Variants in IFT74 observed in about 807,000 individuals in gnomAD.
IFT74 encodes intraflagellar transport 74, also known as intraflagellar transport protein 74 homolog.
IFT74 carries 92 observed loss-of-function variants against 96.7 expected under a neutral mutation model. The observed-to-expected ratio is 0.95, with a 90% confidence interval of 0.80 to 1.13. IFT74 has a LOEUF of 1.13. Among genes scored for constraint, IFT74 ranks in the 50% most tolerant of loss-of-function variants. IFT74 has a pLI of 0.00. For missense variants in IFT74, 811 were observed against 698.2 expected (o/e 1.16, Z -1.82); for synonymous variants, 223 against 213.2 (o/e 1.05, Z -0.40).
In IFT74 at chr9:26,996,627, T is replaced by C. The variant is rs141607273; in HGVS notation, c.587+6432T>C. On this transcript the variant is annotated intron_variant, in intron 8 of 19. Transcript: ENST00000380062. The stretch of plus-strand genomic sequence containing the variant: ...AAGGCATTATAAGAAATTCCTGTTG[T>C]ATTTGTCTAGCAACATAATGAAAGA... 1.4e-3 allele frequency: 776 copies of C among 549,574 alleles called. 2 individuals are homozygous for C. The highest frequency in any genetic ancestry group is 0.014 in the African/African-American group (701 of 51,710). The allele number at this position is 549,574 out of a possible 1,614,324, so 34.0% of individuals were successfully genotyped here.
At chr9:26,969,068 C>T (rs569282442) in intron 2 of IFT74, among the ~76,000 whole-genome samples, 2 of 152,092 alleles carry the variant, frequency 1.3e-5, no homozygotes, top group African/African-American at 4.8e-5. Flanking sequence ...CCTCTTAGTG[C>T]TCCTTTTGCT....
intron 6 of IFT74, among the ~76,000 whole-genome samples, chr9:26,987,015 G>A (rs753528468): frequency 1.3e-5 from 2 of 152,106 alleles, no homozygotes; most frequent in Non-Finnish European, 2.9e-5. Flanking sequence ...AGTAAATGAT[G>A]TTCTGTTTTA....
intron 1 of IFT74, among the ~76,000 whole-genome samples, chr9:26,948,173 T>C (rs185017371): frequency 6.6e-6 from 1 of 152,330 alleles, no homozygotes; most frequent in Admixed American, 6.5e-5. Flanking sequence ...TTGATACTTC[T>C]TTGCTATCAT....
chr9:27,065,941 C>T lies in IFT74; in HGVS notation c.*3205C>T, dbSNP rs1482593233. Among the ~76,000 whole-genome samples, 1 of 151,990 alleles carries T rather than the reference C, an allele frequency of 6.6e-6. No homozygotes were observed. The highest frequency in any genetic ancestry group is 1.5e-5 in the Non-Finnish European group (1 of 67,948). On this transcript the variant is annotated 3_prime_UTR_variant, in exon 20 of 20. Coordinates refer to ENST00000380062, the MANE Select transcript of IFT74 (RefSeq NM_025103.4). ...AGTTTACAGTTTGATAACTGAAAAA[C>T]ATTTTTAAAAAGGCAATTTTTAATA...
At chr9:26,967,553 C>G (rs1181934379) in intron 2 of IFT74, among the ~76,000 whole-genome samples, 1 of 152,138 alleles carries the variant, frequency 6.6e-6, no homozygotes. Flanking sequence ...GTTAATTTGA[C>G]TTCTTCCTTT....
At chr9:27,038,180 T>C (rs756727753) in intron 13 of IFT74, among the ~76,000 whole-genome samples, 7 of 152,248 alleles carry the variant, frequency 4.6e-5, no homozygotes, top group Non-Finnish European at 7.3e-5. Flanking sequence ...CAGTGCATGT[T>C]GGAAGCCATT....
intron 2 of IFT74, among the ~76,000 whole-genome samples, chr9:26,972,298 G>A (rs1826914521): frequency 6.6e-6 from 1 of 152,132 alleles, no homozygotes; most frequent in South Asian, 2.1e-4. Context: ...GGTGGGGCGT[G>A]CTTACTGTCT....
intron 6 of IFT74, among the ~76,000 whole-genome samples, chr9:26,987,389 C>T (rs970053851): frequency 2.6e-5 from 4 of 151,772 alleles, no homozygotes; most frequent in African/African-American, 7.3e-5. Context: ...CGCGCCCGGC[C>T]GAGAAAAGTA....
rs192320663 is a variant in IFT74 at position 27,042,503 on chromosome 9, A to T, written c.1055-2239A>T. The stretch of plus-strand genomic sequence containing the variant: ...GATAACTGACTGCCGTTTGAATTTG[A>T]TCATTAAGCAGTTGTATAATCTCAC... On this transcript the variant is annotated intron_variant, in intron 13 of 19. Transcript: ENST00000380062. Among the ~76,000 whole-genome samples, 99 of 152,336 alleles carry T rather than the reference A, an allele frequency of 6.5e-4. 1 individual carries two copies. Among genetic ancestry groups the T allele is most frequent in the African/African-American group, 2.1e-3 (86 of 41,586 alleles).
At chr9:27,017,294 C>T (rs1234462935) in intron 11 of IFT74, among the ~76,000 whole-genome samples, 1 of 152,116 alleles carries the variant, frequency 6.6e-6, no homozygotes, top group Non-Finnish European at 1.5e-5. Flanking sequence ...GCAATCATAG[C>T]TCACTGTAGC....
In IFT74 at chr9:27,055,986, G is replaced by T. The variant is rs1345823656; in HGVS notation, c.1497+214G>T. Among the ~76,000 whole-genome samples the T allele has an allele frequency of 1.3e-5, 2 of 152,094 alleles. 1 individual carries two copies. Among genetic ancestry groups the T allele is most frequent in the Non-Finnish European group, 2.9e-5 (2 of 67,956 alleles). ...AAAATTGAAAAGCAAGGTATAAGCT[G>T]CTACTTAATACAGAGCATTTCAGCA... On this transcript the variant is annotated intron_variant, in intron 17 of 19. Transcript: ENST00000380062.
In IFT74 at chr9:26,973,040, GT is replaced by G. The variant is rs201071754; in HGVS notation, c.121-5087del. Reference sequence around the variant, plus strand: ...TTAGGGGAGTCTGTAAACCCTTGGGGTAAGACTGTCCATCAATATTGTTGTT... The same window carrying G: ...TTAGGGGAGTCTGTAAACCCTTGGGGAAGACTGTCCATCAATATTGTTGTT... On this transcript the variant is annotated intron_variant, in intron 2 of 19. Coordinates refer to ENST00000380062, the MANE Select transcript of IFT74 (RefSeq NM_025103.4). Among the ~76,000 whole-genome samples the G allele has an allele frequency of 7.0e-3, 1,071 of 152,256 alleles. 9 individuals carry two copies. The highest frequency in any genetic ancestry group is 0.014 in the Admixed American group (214 of 15,278).
chr9:26,961,209 G>A (rs571525708), intron 1 of IFT74, among the ~76,000 whole-genome samples: 1 of 151,446 alleles, frequency 6.6e-6, no homozygotes, highest in South Asian at 2.1e-4. Flanking sequence ...TCCTGCCTCG[G>A]CCTCCTGAGT....
chr9:27,048,093 G>A, intron 15 of IFT74, 55 bp from the exon 16 acceptor site: 1 of 1,300,826 alleles, frequency 7.7e-7, no homozygotes, highest in Non-Finnish European at 1.1e-6. Flanking sequence ...GAGTTTTATT[G>A]AGAACTAACT....
intron 2 of IFT74, among the ~76,000 whole-genome samples, chr9:26,974,186 G>GT (rs573865622): frequency 4.6e-4 from 70 of 152,224 alleles, no homozygotes; most frequent in African/African-American, 1.5e-3. Flanking sequence ...AAGCATATGG[G>GT]TTTGGAGCCA....
chr9:26,979,776 G>A (rs1283349120), intron 3 of IFT74, among the ~76,000 whole-genome samples: 2 of 123,764 alleles, frequency 1.6e-5, no homozygotes, highest in Non-Finnish European at 3.2e-5. Context: ...GCAGTGATGT[G>A]ATCTTGGCTC....
intron 2 of IFT74, among the ~76,000 whole-genome samples, chr9:26,972,676 C>T (rs1367139716): frequency 6.6e-6 from 1 of 152,134 alleles, no homozygotes; most frequent in Non-Finnish European, 1.5e-5. Flanking sequence ...AATCCATACA[C>T]AGCAATATCC....
rs1177820889 is a variant in IFT74, at chr9:27,063,562, A to G, written c.*826A>G. 1.3e-5 allele frequency among the ~76,000 whole-genome samples: 2 copies of G among 152,066 alleles called. No individual in the cohort carries two copies. Among genetic ancestry groups the G allele is most frequent in the Non-Finnish European group, 2.9e-5 (2 of 67,956 alleles). ...CTGGAAGACATTATATTAACTGTAG[A>G]TGTATCTTCTCTTATCGTGCAGGAA... On this transcript the variant is annotated 3_prime_UTR_variant, in exon 20 of 20. Coordinates refer to ENST00000380062, the MANE Select transcript of IFT74 (RefSeq NM_025103.4).
At chr9:27,031,105 A>G (rs901156815) in intron 13 of IFT74, among the ~76,000 whole-genome samples, 2 of 151,418 alleles carry the variant, frequency 1.3e-5, no homozygotes, top group African/African-American at 4.9e-5. Context: ...AAGCAGTCCT[A>G]CTGCCTCAGC....
Sources: gnomAD v4.1 joint callset for allele counts (sites outside exome capture counted in the v4.1 genomes callset) on GRCh38, gnomAD v4.1.1 for gene constraint, MANE v1.5 for transcripts, NCBI Gene and HGNC (gene_info 2026-07-23, HGNC 2026-07-21) for gene names.